The following ME1 variants were observed in gnomAD, a reference collection of about 807,000 sequenced individuals.
ME1 encodes malic enzyme 1, also known as NADP-dependent malic enzyme.
Under a neutral mutation model 66.4 loss-of-function variants are expected in ME1, and 74 were observed. The observed-to-expected ratio is 1.11, with a 90% CI of 0.92 to 1.35. The LOEUF is 1.35. ME1 is among the 40% of genes most tolerant of loss of function. ME1 has a pLI of 0.00. For synonymous variants in ME1, 251 were observed against 235.6 expected (o/e 1.07, Z -0.60); for missense variants, 750 against 694.1 (o/e 1.08, Z -0.90).
intron 7 of ME1, among the ~76,000 whole-genome samples, chr6:83,243,621 AATCTATTATAATT>A (rs1790553501): frequency 9.6e-6 from 1 of 104,030 alleles, no homozygotes; most frequent in Admixed American, 1.2e-4. Context: ...ATATCGATAT[AATCTATTATAATT>A]ACATTATATC....
chr6:83,298,657 T>C (rs1372302813), intron 6 of ME1, among the ~76,000 whole-genome samples: 1 of 152,168 alleles, frequency 6.6e-6, no homozygotes, highest in Non-Finnish European at 1.5e-5. Context: ...ATGTCTTGAA[T>C]GGTATTACCT....
intron 5 of ME1, among the ~76,000 whole-genome samples, chr6:83,330,900 T>C (rs957664651): frequency 1.3e-5 from 2 of 151,198 alleles, no homozygotes; most frequent in African/African-American, 4.9e-5. Context: ...CTCCTGGGAG[T>C]TGAGAATTTT....
intron 3 of ME1, among the ~76,000 whole-genome samples, chr6:83,362,471 G>A (rs1220680220): frequency 6.6e-6 from 1 of 152,176 alleles, no homozygotes; most frequent in Non-Finnish European, 1.5e-5. Context: ...ATCACCCAAT[G>A]GGCCCATGAA....
chr6:83,275,298 C>T (rs1272488864), intron 6 of ME1, among the ~76,000 whole-genome samples: 4 of 151,658 alleles, frequency 2.6e-5, no homozygotes, highest in Non-Finnish European at 5.9e-5. Context: ...CGTGCTACTG[C>T]ACTCCAGCCT....
chr6:83,244,815 A>G, intron 7 of ME1, among the ~76,000 whole-genome samples: 1 of 152,224 alleles, frequency 6.6e-6, no homozygotes, highest in South Asian at 2.1e-4. Context: ...AGGGCAGAAA[A>G]ATGTGTTATA....
At chr6:83,332,718 G>A (rs1436008018) in intron 5 of ME1, among the ~76,000 whole-genome samples, 1 of 152,076 alleles carries the variant, frequency 6.6e-6, no homozygotes, top group African/African-American at 2.4e-5. Context: ...GTACATAGGA[G>A]TATACAAAGC....
chr6:83,428,144 T>C (rs915704782), intron 1 of ME1, among the ~76,000 whole-genome samples: 3 of 152,144 alleles, frequency 2.0e-5, no homozygotes, highest in Non-Finnish European at 2.9e-5. Flanking sequence ...GAAAGATCAT[T>C]ATTAAATCAA....
intron 6 of ME1, among the ~76,000 whole-genome samples, chr6:83,313,406 C>A (rs1288740389): frequency 6.6e-6 from 1 of 151,792 alleles, no homozygotes; most frequent in African/African-American, 2.4e-5. Context: ...AAAAAAAAAA[C>A]AGTTTTCTTC....
chr6:83,349,838 C>A (rs1768763996), intron 4 of ME1, among the ~76,000 whole-genome samples: 1 of 152,172 alleles, frequency 6.6e-6, no homozygotes, highest in South Asian at 2.1e-4. Context: ...TAACACTCAG[C>A]TTTAGTCAGG....
intron 3 of ME1, among the ~76,000 whole-genome samples, chr6:83,362,786 T>C (rs1016403705): frequency 6.6e-6 from 1 of 152,158 alleles, no homozygotes; most frequent in Non-Finnish European, 1.5e-5. Flanking sequence ...AAGACTACCA[T>C]CTGTGGACTC....
chr6:83,225,647 A>C (rs116845698), intron 11 of ME1, among the ~76,000 whole-genome samples: 4,085 of 152,120 alleles, frequency 0.027, 80 homozygotes, highest in Admixed American at 0.055. Context: ...AGACACTGTT[A>C]TGTTTTGCAC....
At chr6:83,316,638 T>C (rs1768036083) in intron 5 of ME1, among the ~76,000 whole-genome samples, 1 of 152,012 alleles carries the variant, frequency 6.6e-6, no homozygotes, top group East Asian at 1.9e-4. Flanking sequence ...CTTTTTTATT[T>C]GTACACATAT....
chr6:83,250,642 T>G (rs1328379774), intron 7 of ME1, among the ~76,000 whole-genome samples: 2 of 152,158 alleles, frequency 1.3e-5, no homozygotes, highest in East Asian at 3.9e-4. Flanking sequence ...TGGCACTTTC[T>G]TAGAGCAAGA....
chr6:83,300,755 T>C (rs1583366608), intron 6 of ME1, among the ~76,000 whole-genome samples: 5 of 152,142 alleles, frequency 3.3e-5, no homozygotes, highest in Admixed American at 3.3e-4. Flanking sequence ...CACGTATGTT[T>C]ATTGCGGCAC....
chr6:83,327,758 C>T (rs180997728), intron 5 of ME1, among the ~76,000 whole-genome samples: 2 of 152,182 alleles, frequency 1.3e-5, no homozygotes, highest in African/African-American at 4.8e-5. Context: ...GTCACCCACA[C>T]CTATTTGCAT....
intron 4 of ME1, among the ~76,000 whole-genome samples, chr6:83,350,798 T>C (rs1768786160): frequency 6.6e-6 from 1 of 152,034 alleles, no homozygotes; most frequent in South Asian, 2.1e-4. Flanking sequence ...AACTTGTTGA[T>C]TCCTTAAATT....
intron 13 of ME1, 26 bp downstream of exon 13, chr6:83,216,472 T>C (rs370421410): frequency 6.9e-7 from 1 of 1,445,494 alleles, no homozygotes. Flanking sequence ...GGAAAAATAA[T>C]GAAGCTTGAA....
At chr6:83,274,142 G>T (rs1767134189) in intron 6 of ME1, among the ~76,000 whole-genome samples, 1 of 152,106 alleles carries the variant, frequency 6.6e-6, no homozygotes, top group Non-Finnish European at 1.5e-5. Context: ...ACTATTTTAT[G>T]CTTGCTACCT....
At chr6:83,282,323 G>A (rs1767314283) in intron 6 of ME1, among the ~76,000 whole-genome samples, 1 of 152,096 alleles carries the variant, frequency 6.6e-6, no homozygotes, top group African/African-American at 2.4e-5. Context: ...AGAGTGAACA[G>A]GCAACCTACA....
Sources: gnomAD v4.1 joint callset for allele counts (sites outside exome capture counted in the v4.1 genomes callset) on GRCh38, gnomAD v4.1.1 for gene constraint, MANE v1.5 for transcripts, NCBI Gene and HGNC (gene_info 2026-07-23, HGNC 2026-07-21) for gene names.